Variants in NPAS3 observed in about 807,000 individuals in gnomAD.
The protein encoded by NPAS3 is neuronal PAS domain protein 3, also known as neuronal PAS domain-containing protein 3.
Under a neutral mutation model 73.1 loss-of-function variants are expected in NPAS3, and 14 were observed. That is an observed-to-expected ratio of 0.19 (90% CI 0.13 to 0.30). NPAS3 has a LOEUF of 0.30. NPAS3 is among the 10% of genes least tolerant of loss of function. The pLI, the probability that NPAS3 is intolerant of heterozygous loss-of-function variation, is 1.00. For synonymous variants in NPAS3, 620 were observed against 541.5 expected (o/e 1.14, Z -2.01); for missense variants, 1,096 against 1,250.0 (o/e 0.88, Z 1.86).
At chr14:33,554,368 T>C (rs896205550) in intron 4 of NPAS3, among the ~76,000 whole-genome samples, 13 of 152,300 alleles carry the variant, frequency 8.5e-5, no homozygotes, top group Admixed American at 3.9e-4. Flanking sequence ...CTCTATCACG[T>C]ATGGGCATTT....
intron 3 of NPAS3, among the ~76,000 whole-genome samples, chr14:33,356,129 T>C (rs1165579211): frequency 1.3e-5 from 2 of 152,240 alleles, no homozygotes; most frequent in East Asian, 1.9e-4. Flanking sequence ...ATACAGAGTA[T>C]ACATTGAACT....
At chr14:33,517,568 A>T (rs1272211958) in intron 4 of NPAS3, among the ~76,000 whole-genome samples, 1 of 151,970 alleles carries the variant, frequency 6.6e-6, no homozygotes, top group Admixed American at 6.6e-5. Context: ...TTCTTCTCCC[A>T]CACCTGTAAA....
chr14:33,103,591 T>G (rs891161753), intron 2 of NPAS3, among the ~76,000 whole-genome samples: 17 of 152,210 alleles, frequency 1.1e-4, no homozygotes, highest in Non-Finnish European at 1.5e-5. Flanking sequence ...TTATTTGCAC[T>G]GTGAAATTTT....
chr14:33,112,933 C>T (rs2042944077), intron 2 of NPAS3, among the ~76,000 whole-genome samples: 1 of 152,246 alleles, frequency 6.6e-6, no homozygotes, highest in East Asian at 1.9e-4. Context: ...AATCCTTTCC[C>T]CAGTTTTTGT....
intron 7 of NPAS3, among the ~76,000 whole-genome samples, chr14:33,749,806 A>G (rs1252078559): frequency 6.6e-6 from 1 of 152,150 alleles, no homozygotes; most frequent in Non-Finnish European, 1.5e-5. Flanking sequence ...TGAAGCCCAG[A>G]ACCAACACAC....
intron 6 of NPAS3, among the ~76,000 whole-genome samples, chr14:33,682,591 T>C (rs2059970189): frequency 6.6e-6 from 1 of 152,184 alleles, no homozygotes; most frequent in Non-Finnish European, 1.5e-5. Flanking sequence ...CAGTACCATT[T>C]TTTCATGAGC....
intron 6 of NPAS3, among the ~76,000 whole-genome samples, chr14:33,699,757 T>C (rs1801866922): frequency 6.6e-6 from 1 of 152,066 alleles, no homozygotes; most frequent in African/African-American, 2.4e-5. Context: ...TTTTTTTAAA[T>C]GTAGAAGACA....
intron 3 of NPAS3, among the ~76,000 whole-genome samples, chr14:33,328,606 C>T (rs1250439121): frequency 3.3e-5 from 5 of 151,006 alleles, no homozygotes; most frequent in African/African-American, 7.3e-5. Context: ...TACAGGCGCC[C>T]GCCACCACGC....
At chr14:33,502,469 T>A (rs2052565323) in intron 4 of NPAS3, among the ~76,000 whole-genome samples, 1 of 151,956 alleles carries the variant, frequency 6.6e-6, no homozygotes, top group Non-Finnish European at 1.5e-5. Context: ...TTCTGCTCTC[T>A]GTTCACTTGT....
At chr14:33,452,137 TA>T (rs942725436) in intron 4 of NPAS3, among the ~76,000 whole-genome samples, 1 of 152,174 alleles carries the variant, frequency 6.6e-6, no homozygotes, top group Non-Finnish European at 1.5e-5. Context: ...GGTTTAATTT[TA>T]AGTGGCCTTG....
chr14:33,801,131 G>GA, downstream of NPAS3: 1 of 1,556,366 alleles, frequency 6.4e-7, no homozygotes, highest in South Asian at 1.2e-5. Context: ...TCCTGGGCCC[G>GA]GCCAGGCCCC....
At chr14:33,583,135 A>G (rs1221083846) in intron 5 of NPAS3, among the ~76,000 whole-genome samples, 3 of 152,002 alleles carry the variant, frequency 2.0e-5, no homozygotes, top group Non-Finnish European at 4.4e-5. Context: ...GGTCCAGGCT[A>G]CTATTGAGGG....
chr14:33,258,080 G>T (rs1308166549), intron 3 of NPAS3, among the ~76,000 whole-genome samples: 7 of 152,104 alleles, frequency 4.6e-5, no homozygotes, highest in African/African-American at 1.7e-4. Context: ...TTTTATTTTT[G>T]CTGCTAAGGT....
At chr14:33,403,439 G>C (rs1334169438) in intron 4 of NPAS3, among the ~76,000 whole-genome samples, 1 of 152,060 alleles carries the variant, frequency 6.6e-6, no homozygotes, top group Non-Finnish European at 1.5e-5. Flanking sequence ...AAAATGTTTA[G>C]TGAGTGTATT....
At chr14:33,123,176 TA>T (rs1404478731) in intron 2 of NPAS3, among the ~76,000 whole-genome samples, 1 of 152,148 alleles carries the variant, frequency 6.6e-6, no homozygotes, top group Non-Finnish European at 1.5e-5. Context: ...ATTAGTACTG[TA>T]AATGGTCCAT....
intron 3 of NPAS3, among the ~76,000 whole-genome samples, chr14:33,223,382 A>AC (rs2047504971): frequency 6.6e-6 from 1 of 152,160 alleles, no homozygotes; most frequent in African/African-American, 2.4e-5. Flanking sequence ...AGTCCGTTGA[A>AC]CAAATACCTG....
intron 4 of NPAS3, among the ~76,000 whole-genome samples, chr14:33,518,628 T>C (rs897869187): frequency 1.4e-5 from 2 of 143,114 alleles, no homozygotes; most frequent in Non-Finnish European, 3.0e-5. Context: ...TACCATGCCT[T>C]TGCAAAAAAT....
At chr14:32,972,881 C>T (rs1595125412) in intron 1 of NPAS3, among the ~76,000 whole-genome samples, 1 of 152,140 alleles carries the variant, frequency 6.6e-6, no homozygotes, top group East Asian at 1.9e-4. Context: ...AAAAAAGCAC[C>T]CTCTCTCACA....
chr14:33,382,532 C>T (rs2046601337), intron 4 of NPAS3, among the ~76,000 whole-genome samples: 2 of 152,028 alleles, frequency 1.3e-5, no homozygotes, highest in Admixed American at 6.6e-5. Flanking sequence ...ACCAGTTTAG[C>T]TAGGGCGGGA....
Sources: allele counts gnomAD v4.1 joint callset (sites outside exome capture counted in the v4.1 genomes callset), GRCh38; gene constraint gnomAD v4.1.1; transcripts MANE v1.5; gene names NCBI Gene and HGNC (gene_info 2026-07-23, HGNC 2026-07-21).